The following SMG6 variants were observed in gnomAD, a reference collection of about 807,000 sequenced individuals.
The protein encoded by SMG6 is SMG6 nonsense mediated mRNA decay factor.
SMG6 carries 66 observed loss-of-function variants against 142.2 expected under a neutral mutation model. The ratio of observed to expected loss-of-function variants is 0.46; its 90% CI spans 0.38 to 0.57. SMG6 has a LOEUF of 0.57. SMG6 is among the 20% of genes least tolerant of loss of function. The probability of loss-of-function intolerance (pLI) is 0.00; values close to 1 mark genes in which losing one functional copy is unlikely to be tolerated. For missense variants in SMG6, 1,793 were observed against 1,832.0 expected (o/e 0.98, Z 0.39); for synonymous variants, 779 against 702.4 (o/e 1.11, Z -1.72).
intron 13 of SMG6, among the ~76,000 whole-genome samples, chr17:2,166,400 T>C (rs1462497370): frequency 2.6e-5 from 4 of 151,986 alleles, no homozygotes. Flanking sequence ...AGAAACAAAT[T>C]ATATTTTGGG....
Position 2,197,408 on chromosome 17 carries a change from A to G in SMG6, c.2870-8893T>C, listed in dbSNP as rs540864056. Among the ~76,000 whole-genome samples the G allele has an allele frequency of 7.9e-5, 12 of 152,204 alleles. No individual in the cohort carries two copies. The South Asian group carries it at 2.5e-3, about 32-fold the overall frequency. On this transcript the variant is annotated intron_variant, in intron 10 of 18. Transcript: ENST00000263073. ...GCAAGACTGTGTCTCTAAAAAAAAA[A>G]AAATTTAATTAGCTGGATGTGGTAA...
At chr17:2,213,813 G>A (rs191962238) in intron 10 of SMG6, 7 of 152,138 alleles carry the variant, frequency 4.6e-5, no homozygotes, top group African/African-American at 1.7e-4. Flanking sequence ...CGGCTCAGCC[G>A]AGAACTTGAA....
chr17:2,283,739 T>G lies in SMG6; in HGVS notation c.2338-4A>C. 6.2e-7 allele frequency: 1 copy of G among 1,611,416 alleles called. No homozygotes were observed. Among genetic ancestry groups the G allele is most frequent in the Non-Finnish European group, 8.5e-7 (1 of 1,177,698 alleles). ...AGACAGCGTCAAGCTTCCTCCTCTG[T>G]GGAAAGAGGCCAGAGACATTCAGTC... On this transcript the variant is annotated splice_polypyrimidine_tract_variant and splice_region_variant and intron_variant, in intron 6 of 18. Coordinates refer to ENST00000263073, the MANE Select transcript of SMG6 (RefSeq NM_017575.5).
chr17:2,104,692 T>C (rs553095910), intron 13 of SMG6, among the ~76,000 whole-genome samples: 2 of 152,044 alleles, frequency 1.3e-5, no homozygotes, highest in East Asian at 1.9e-4. Context: ...TGGTGACAGA[T>C]GGTTACTAGG....
chr17:2,218,851 G>C (rs1267303033), intron 10 of SMG6, among the ~76,000 whole-genome samples: 1 of 152,020 alleles, frequency 6.6e-6, no homozygotes, highest in Non-Finnish European at 1.5e-5. Flanking sequence ...TGTCAATACA[G>C]GTTCACTGAC....
chr17:2,132,655 T>C (rs1464891977), intron 13 of SMG6, among the ~76,000 whole-genome samples: 1 of 152,196 alleles, frequency 6.6e-6, no homozygotes, highest in African/African-American at 2.4e-5. Context: ...CTCATGCAAG[T>C]TCCTACATGA....
chr17:2,136,280 C>T (rs867283954), intron 13 of SMG6, among the ~76,000 whole-genome samples: 31 of 151,294 alleles, frequency 2.0e-4, no homozygotes, highest in African/African-American at 6.8e-4. Flanking sequence ...AGGCTGGTCT[C>T]GAACTCCTGA....
At position 2,290,116 on chromosome 17, in the gene SMG6, C is replaced by A. The variant is rs1023370219; in HGVS notation, c.2337+2436G>T. Among the ~76,000 whole-genome samples, 4 of 151,966 alleles carry A rather than the reference C, an allele frequency of 2.6e-5. No homozygotes were observed. The East Asian group carries it at 7.7e-4, about 29-fold the overall frequency. Reference sequence around the variant, plus strand: ...TTAATACTCACTAGGTTTGTGGATACCAACAAAGTGATTCTAAAGTTTACA... The same window carrying A: ...TTAATACTCACTAGGTTTGTGGATAACAACAAAGTGATTCTAAAGTTTACA... On this transcript the variant is annotated intron_variant, in intron 6 of 18. Coordinates refer to ENST00000263073, the MANE Select transcript of SMG6 (RefSeq NM_017575.5).
At chr17:2,217,438 T>TGAAGCCACACGGTCTTCAG (rs1294550997) in intron 10 of SMG6, among the ~76,000 whole-genome samples, 1 of 152,110 alleles carries the variant, frequency 6.6e-6, no homozygotes, top group African/African-American at 2.4e-5. Flanking sequence ...TTCATAACCA[T>TGAAGCCACACGGTCTTCAG]GAAGCCACAC....
intron 13 of SMG6, chr17:2,088,681 C>CTG: frequency 1.0e-6 from 1 of 985,424 alleles, no homozygotes; most frequent in Non-Finnish European, 1.2e-6. Flanking sequence ...ATGGTCAAAG[C>CTG]TGTGTAAAGT....
rs2075207041 is a variant in SMG6, at chr17:2,298,965, G to A, written c.1788C>T (p.Ser596=). Residue 596 remains serine (S), a synonymous_variant, in exon 2 of 19, where the codon AGC becomes AGT. Transcript: ENST00000263073. ...TGATGCGGTCCCTGGAGAGCAGGTT[G>A]CTGAGCTGCAGTTCCTGGTTGTCAG... ...RVADNQELQL[S]NLLSRDRISP... The A allele has an allele frequency of 3.7e-6, 6 of 1,614,154 alleles. No individual in the cohort carries two copies. In the African/African-American group the frequency reaches 5.3e-5, roughly 14 times the overall value.
chr17:2,090,645 C>CG (rs2068691668), intron 13 of SMG6, among the ~76,000 whole-genome samples: 1 of 152,166 alleles, frequency 6.6e-6, no homozygotes, highest in African/African-American at 2.4e-5. Flanking sequence ...TTGGAGAAAT[C>CG]GGAGTTTAAA....
chr17:2,249,096 T>C (rs1055725808), intron 8 of SMG6, among the ~76,000 whole-genome samples: 3 of 151,868 alleles, frequency 2.0e-5, no homozygotes, highest in East Asian at 1.9e-4. Context: ...GGTTTCACCG[T>C]GTTAGCCAGG....
chr17:2,186,827 C>A lies in SMG6; in HGVS notation c.2991G>T (p.Gln997His). 6.2e-7 allele frequency: 1 copy of A among 1,614,000 alleles called. No individual in the cohort carries two copies. Among genetic ancestry groups the A allele is most frequent in the South Asian group, 1.1e-5 (1 of 91,030 alleles). The change falls in exon 12 of 19, where the codon CAG becomes CAT. Residue 997 changes from glutamine (Q) to histidine (H), a missense_variant. Transcript: ENST00000263073. Reference sequence around the variant, plus strand: ...CATCCTGGTCCTCAGGAGAGGACAGCTGAGCTGCAGAGGCAAAGGGTGAGA... The same window carrying A: ...CATCCTGGTCCTCAGGAGAGGACAGATGAGCTGCAGAGGCAAAGGGTGAGA... Reference protein sequence around the residue: ...TCLLKESAKAQLSSPEDQDDQ... With the variant: ...TCLLKESAKAHLSSPEDQDDQ...
At chr17:2,252,016 G>T (rs530718034) in intron 8 of SMG6, among the ~76,000 whole-genome samples, 1 of 151,920 alleles carries the variant, frequency 6.6e-6, no homozygotes, top group Non-Finnish European at 1.5e-5. Flanking sequence ...CAGGAGAATC[G>T]CTTGAACCAG....
intron 10 of SMG6, among the ~76,000 whole-genome samples, chr17:2,198,035 T>C (rs2072386056): frequency 6.6e-6 from 1 of 152,210 alleles, no homozygotes; most frequent in South Asian, 2.1e-4. Context: ...TATATAAATG[T>C]TCATAGCAGC....
chr17:2,193,147 C>T (rs2169357), intron 10 of SMG6, among the ~76,000 whole-genome samples: 60,228 of 151,980 alleles, frequency 0.4, 12,426 homozygotes, highest in African/African-American at 0.5. Context: ...GTCTGGATGG[C>T]AGGGTGGATC....
rs1368014808 is a variant in SMG6 at position 2,071,901 on chromosome 17, T to G, written c.3682-2970A>C. On this transcript the variant is annotated intron_variant, in intron 15 of 18. Transcript: ENST00000263073. The surrounding 1 kb of genome is among the most constrained non-coding windows in gnomAD (Gnocchi z 5.6). ...GTGTGTGTGTGTTTAGCATCTGCCC[T>G]CCCAACTTTTCCAGATTTTACCCGT... The G allele has an allele frequency of 1.3e-5, 2 of 152,402 alleles. No homozygotes were observed. The highest frequency in any genetic ancestry group is 1.9e-4 in the East Asian group (1 of 5,186). 9.4% of individuals were successfully genotyped at this position (152,402 alleles called of 1,614,324 possible).
chr17:2,117,908 G>T (rs1013213265), intron 13 of SMG6: 1 of 151,944 alleles, frequency 6.6e-6, no homozygotes, highest in Non-Finnish European at 1.5e-5. Flanking sequence ...TATCCATATG[G>T]GGGGAAAAAA....
Sources: allele counts gnomAD v4.1 joint callset (sites outside exome capture counted in the v4.1 genomes callset), GRCh38; gene constraint gnomAD v4.1.1; non-coding constraint Gnocchi (gnomAD v3.1); transcripts MANE v1.5; gene names NCBI Gene and HGNC (gene_info 2026-07-23, HGNC 2026-07-21).